The following AVEN variants were observed in gnomAD, a reference collection of about 807,000 sequenced individuals.
The protein encoded by AVEN is cell death regulator Aven.
Under a neutral mutation model 38.1 loss-of-function variants are expected in AVEN, and 41 were observed. The ratio of observed to expected loss-of-function variants is 1.08; its 90% CI spans 0.84 to 1.40. AVEN has a LOEUF of 1.40. AVEN is among the 40% of genes most tolerant of loss of function. The pLI, the probability that AVEN is intolerant of heterozygous loss-of-function variation, is 0.00. For synonymous variants in AVEN, 206 were observed against 171.8 expected (o/e 1.20, Z -1.56); for missense variants, 605 against 438.8 (o/e 1.38, Z -3.38).
At chr15:34,074,846 T>C (rs1448799830) in exon 1 of AVEN, among the ~76,000 whole-genome samples, 1 of 152,194 alleles carries the variant, frequency 6.6e-6, no homozygotes, top group Non-Finnish European at 1.5e-5. Context: ...TCCTTTTTTA[T>C]AGTTGAACGA....
intron 2 of AVEN, among the ~76,000 whole-genome samples, chr15:33,882,705 T>TA (rs72327124): frequency 1.3e-5 from 2 of 151,696 alleles, no homozygotes; most frequent in Admixed American, 6.6e-5. Flanking sequence ...CATCTCTATT[T>TA]AAAAAAAATA....
chr15:34,063,975 C>T lies in AVEN; in HGVS notation n.1127-543G>A. The T allele has an allele frequency of 1.2e-6, 2 of 1,614,176 alleles. No individual in the cohort carries two copies. The highest frequency in any genetic ancestry group is 1.1e-5 in the South Asian group (1 of 91,084). The stretch of plus-strand genomic sequence containing the variant: ...GGAACCTTCAACGAAAGGCCTCAAT[C>T]CCAACCCCAGCCATCAAATGACCAA... On this transcript the variant is annotated intron_variant and non_coding_transcript_variant, in intron 4 of 11. Transcript: ENST00000675287. The surrounding 1 kb of genome is among the most constrained non-coding windows in gnomAD (Gnocchi z 4.1).
At chr15:33,907,126 T>C (rs981790117) in intron 2 of AVEN, among the ~76,000 whole-genome samples, 7 of 152,184 alleles carry the variant, frequency 4.6e-5, no homozygotes, top group Admixed American at 6.5e-5. Context: ...TACTAGCATC[T>C]GGACCACATC....
In AVEN at chr15:34,063,648, G is replaced by A. The variant is rs773978770; in HGVS notation, n.1127-216C>T. On this transcript the variant is annotated intron_variant and non_coding_transcript_variant, in intron 4 of 11. Coordinates refer to the AVEN transcript ENST00000675287. This position sits in a 1 kb window ranked among gnomAD's most constrained non-coding sequence, Gnocchi z 4.1. ...CTGTAGCAGCTACCCTTCCTCAGAGGATGAGGACAAGCCCGCCACTGACCC... is the reference window on the plus strand; with the variant it reads ...CTGTAGCAGCTACCCTTCCTCAGAGAATGAGGACAAGCCCGCCACTGACCC... 3 of 1,613,978 alleles carry A rather than the reference G, an allele frequency of 1.9e-6. No homozygotes were observed. Among genetic ancestry groups the A allele is most frequent in the African/African-American group, 2.7e-5 (2 of 74,900 alleles).
the AVEN span, chr15:33,852,092 C>G: frequency 2.0e-5 from 2 of 100,966 alleles, no homozygotes; most frequent in Non-Finnish European, 4.3e-5. Context: ...TAGGAGGTCT[C>G]CATTTCCTTA....
intron 2 of AVEN, among the ~76,000 whole-genome samples, chr15:33,924,284 C>G (rs1188384058): frequency 6.6e-6 from 1 of 151,790 alleles, no homozygotes; most frequent in African/African-American, 2.4e-5. Flanking sequence ...GCACAAGAAT[C>G]ATTTGAACCC....
intron 2 of AVEN, among the ~76,000 whole-genome samples, chr15:33,973,074 T>C (rs781354064): frequency 6.6e-6 from 1 of 152,228 alleles, no homozygotes; most frequent in Non-Finnish European, 1.5e-5. Context: ...TCTCCATTTT[T>C]TGTATTGAAA....
Position 34,063,300 on chromosome 15 carries a change from T to C in AVEN, n.1259A>G. The stretch of plus-strand genomic sequence containing the variant: ...GTTTCTCTCTGAGCCCACCATCACT[T>C]TTGGCACTGCCATTGCTGCCTTCTA... On this transcript the variant is annotated non_coding_transcript_exon_variant, in exon 5 of 12. Coordinates refer to the AVEN transcript ENST00000675287. This position sits in a 1 kb window ranked among gnomAD's most constrained non-coding sequence, Gnocchi z 4.1. 6.2e-7 allele frequency: 1 copy of C among 1,614,136 alleles called. No homozygotes were observed. The highest frequency in any genetic ancestry group is 8.5e-7 in the Non-Finnish European group (1 of 1,180,022).
intron 4 of AVEN, among the ~76,000 whole-genome samples, chr15:33,868,347 C>A (rs1256572038): frequency 6.6e-6 from 1 of 151,408 alleles, no homozygotes; most frequent in East Asian, 1.9e-4. Context: ...CATGGTGAAA[C>A]CCTGTCTCTA....
chr15:33,968,795 G>C (rs569182928), intron 2 of AVEN: 1 of 152,034 alleles, frequency 6.6e-6, no homozygotes, highest in Non-Finnish European at 1.5e-5. Context: ...AACTTTTCCA[G>C]GGGGTCAAAT....
Position 33,866,444 on chromosome 15 carries a change from G to C in AVEN, c.*169C>G. ...AACAAATGCAACAAGCTGCTTCAAT[G>C]TATTCTTTCAGATGTCAAACACAGA... is the stretch of plus-strand genomic sequence containing the variant. On this transcript the variant is annotated 3_prime_UTR_variant, in exon 6 of 6. Transcript: ENST00000306730. 3.3e-6 allele frequency: 2 copies of C among 599,260 alleles called. No individual in the cohort carries two copies. Among genetic ancestry groups the C allele is most frequent in the East Asian group, 5.6e-5 (2 of 36,026 alleles). The allele number at this position is 599,260 out of a possible 1,614,324, so 37.1% of individuals were successfully genotyped here. A position where few individuals can be genotyped will look rare whatever the true frequency, so the allele number is the denominator to read the frequency against.
the AVEN span, chr15:33,852,233 A>G: frequency 6.6e-6 from 1 of 152,196 alleles, no homozygotes; most frequent in Non-Finnish European, 1.5e-5. Flanking sequence ...GCTGCAATCC[A>G]GTCTTACAAG....
rs897230954 is a variant in AVEN, at chr15:33,988,116, C to G, written c.445+14916G>C. 2.6e-5 allele frequency among the ~76,000 whole-genome samples: 4 copies of G among 152,238 alleles called. 1 individual carries two copies. Among genetic ancestry groups the G allele is most frequent in the East Asian group, 1.9e-4 (1 of 5,194 alleles). On this transcript the variant is annotated intron_variant, in intron 2 of 5. Coordinates refer to ENST00000306730, the MANE Select transcript of AVEN (RefSeq NM_020371.3). Reference sequence around the variant, plus strand: ...TCTGTCCAGGTGCCTGCCTCCAGCCCAAAGGCAGCTTCTTAACCAACCACA... The same window carrying G: ...TCTGTCCAGGTGCCTGCCTCCAGCCGAAAGGCAGCTTCTTAACCAACCACA...
intron 1 of AVEN, among the ~76,000 whole-genome samples, chr15:34,017,622 G>A (rs1350796227): frequency 6.6e-6 from 1 of 151,806 alleles, no homozygotes; most frequent in East Asian, 1.9e-4. Context: ...TGTGACTACA[G>A]GTGCATGCCA....
At chr15:33,861,146 T>TA in intron 11 of AVEN, 1 of 1,596,306 alleles carries the variant, frequency 6.3e-7, no homozygotes, top group Non-Finnish European at 8.5e-7. Context: ...TTGAAACACA[T>TA]ACATTACAAG....
intron 2 of AVEN, among the ~76,000 whole-genome samples, chr15:33,961,599 G>A (rs890309703): frequency 2.3e-4 from 35 of 151,834 alleles, no homozygotes; most frequent in African/African-American, 8.2e-4. Flanking sequence ...GAATCACGAG[G>A]TCAGGAGATC....
intron 2 of AVEN, among the ~76,000 whole-genome samples, chr15:33,916,000 C>T (rs574876728): frequency 7.7e-4 from 118 of 152,282 alleles, no homozygotes; most frequent in Middle Eastern, 3.4e-3. Context: ...CACCTCCACC[C>T]CCACAGCAGC....
downstream of AVEN, chr15:33,864,338 G>A (rs888153025): frequency 1.6e-6 from 1 of 622,894 alleles, no homozygotes; most frequent in Admixed American, 2.9e-5. Flanking sequence ...TCAATAAGAA[G>A]CCAAAGTCCT....
chr15:33,977,266 C>T (rs1895924535), intron 2 of AVEN, among the ~76,000 whole-genome samples: 1 of 151,878 alleles, frequency 6.6e-6, no homozygotes, highest in African/African-American at 2.4e-5. Context: ...CAAGAACAAG[C>T]TCCAATACTC....
Sources: gnomAD v4.1 joint callset for allele counts (sites outside exome capture counted in the v4.1 genomes callset) on GRCh38, gnomAD v4.1.1 for gene constraint, Gnocchi (gnomAD v3.1) non-coding constraint, MANE v1.5 for transcripts, NCBI Gene and HGNC (gene_info 2026-07-23, HGNC 2026-07-21) for gene names.